The following DAB1 variants were observed in gnomAD, a reference collection of about 807,000 sequenced individuals.
The protein encoded by DAB1 is DAB adaptor protein 1, also known as disabled homolog 1.
DAB1 carries 15 observed loss-of-function variants against 64.6 expected under a neutral mutation model. The observed-to-expected ratio is 0.23, with a 90% CI of 0.16 to 0.36. The LOEUF (loss-of-function observed/expected upper bound fraction) is 0.36. Among genes scored for constraint, DAB1 ranks in the 10% least tolerant of loss-of-function variants. DAB1 has a pLI of 1.00. For synonymous variants in DAB1, 235 were observed against 251.9 expected, an observed-to-expected ratio of 0.93 and a Z score of 0.64; for missense variants, 596 against 706.7, an observed-to-expected ratio of 0.84 and a Z score of 1.78.
At chr1:57,323,600 G>C (rs1333545324) in intron 1 of DAB1, among the ~76,000 whole-genome samples, 2 of 152,082 alleles carry the variant, frequency 1.3e-5, no homozygotes, top group Non-Finnish European at 2.9e-5. Context: ...GAACCAGACT[G>C]TGATCTCGCT....
At chr1:57,905,954 A>G (rs1644544697) in intron 5 of DAB1, among the ~76,000 whole-genome samples, 1 of 152,202 alleles carries the variant, frequency 6.6e-6, no homozygotes, top group South Asian at 2.1e-4. Context: ...AGAGTTTGTC[A>G]TTGCCTGAAT....
At chr1:58,269,450 T>C (rs1369080218) in intron 4 of DAB1, among the ~76,000 whole-genome samples, 4 of 150,422 alleles carry the variant, frequency 2.7e-5, no homozygotes, top group Admixed American at 1.3e-4. Flanking sequence ...GTCTTTGCTA[T>C]TGTGAATAAT....
At chr1:57,132,442 C>T (rs1355413403) in intron 4 of DAB1, among the ~76,000 whole-genome samples, 1 of 152,084 alleles carries the variant, frequency 6.6e-6, no homozygotes, top group East Asian at 1.9e-4. Flanking sequence ...CAGGGCTGCA[C>T]ATGGCATAGA....
In DAB1 at chr1:57,335,436, T is replaced by C. The variant is rs562847764; in HGVS notation, c.-136-44270A>G. On this transcript the variant is annotated intron_variant, in intron 1 of 14. Transcript: ENST00000371236. ...GATTTTGCTTGATATGAGGATTAAA[T>C]TGCATTTCAAGAACAATTCAGGAGG... Among the ~76,000 whole-genome samples, 7 of 152,318 alleles carry C rather than the reference T, an allele frequency of 4.6e-5. No individual in the cohort carries two copies. The East Asian group carries it at 1.4e-3, about 29-fold the overall frequency.
chr1:58,438,472 G>A (rs1300920573), intron 3 of DAB1, among the ~76,000 whole-genome samples: 1 of 152,188 alleles, frequency 6.6e-6, no homozygotes, highest in Non-Finnish European at 1.5e-5. Flanking sequence ...CCTCAGGTAG[G>A]AAGCAGACAG....
intron 6 of DAB1, among the ~76,000 whole-genome samples, chr1:57,728,118 T>C (rs989705504): frequency 6.6e-6 from 1 of 152,324 alleles, no homozygotes; most frequent in Non-Finnish European, 1.5e-5. Flanking sequence ...TAGAAAACCC[T>C]GACCTACCGG....
At chr1:57,785,294 A>G (rs1650288803) in intron 6 of DAB1, among the ~76,000 whole-genome samples, 1 of 152,166 alleles carries the variant, frequency 6.6e-6, no homozygotes. Context: ...TTTCATGCCT[A>G]TTAATATAAC....
intron 4 of DAB1, among the ~76,000 whole-genome samples, chr1:57,132,726 A>G (rs949342828): frequency 5.3e-5 from 8 of 152,158 alleles, no homozygotes; most frequent in African/African-American, 1.9e-4. Flanking sequence ...GTCTAATCAT[A>G]TATGGGTTAT....
At chr1:57,388,414 T>G (rs955470543) in intron 1 of DAB1, among the ~76,000 whole-genome samples, 1 of 152,170 alleles carries the variant, frequency 6.6e-6, no homozygotes, top group African/African-American at 2.4e-5. Context: ...TTCTGCTCTT[T>G]GTGTTTCCCA....
chr1:57,916,937 C>T (rs1368364396), intron 5 of DAB1, among the ~76,000 whole-genome samples: 1 of 145,776 alleles, frequency 6.9e-6, no homozygotes, highest in Non-Finnish European at 1.5e-5. Context: ...GAGCGAAACT[C>T]TGTCTCAAAA....
intron 4 of DAB1, among the ~76,000 whole-genome samples, chr1:58,333,129 C>G (rs1017628014): frequency 6.6e-6 from 1 of 152,046 alleles, no homozygotes. Context: ...AGGCTGGTCT[C>G]GAACTCCAGA....
chr1:57,273,356 G>C (rs964760957), intron 2 of DAB1, among the ~76,000 whole-genome samples: 5 of 152,104 alleles, frequency 3.3e-5, no homozygotes, highest in Non-Finnish European at 7.4e-5. Flanking sequence ...GTTTCCCATA[G>C]GCCACTCCCA....
intron 2 of DAB1, among the ~76,000 whole-genome samples, chr1:57,234,505 A>C (rs984650245): frequency 6.6e-6 from 1 of 152,190 alleles, no homozygotes; most frequent in Non-Finnish European, 1.5e-5. Flanking sequence ...TTTTCCATAA[A>C]ATAACCCTAT....
At chr1:58,325,771 T>G (rs905555020) in intron 4 of DAB1, among the ~76,000 whole-genome samples, 1 of 152,242 alleles carries the variant, frequency 6.6e-6, no homozygotes. Flanking sequence ...GAGACCTGGC[T>G]TGTAGCAAGC....
chr1:57,873,147 TTTATCATA>T lies in DAB1; in HGVS notation n.87+10844_87+10851del, dbSNP rs139709633. On this transcript the variant is annotated intron_variant and non_coding_transcript_variant, in intron 1 of 1. Transcript: ENST00000477280. ...TAGGTGTCAAGCTAAGGAGGTGAACTTTATCATATAAACAGGCAGGAGGAATTGACTGA... is the reference window on the plus strand; with the variant it reads ...TAGGTGTCAAGCTAAGGAGGTGAACTTAAACAGGCAGGAGGAATTGACTGA... Among the ~76,000 whole-genome samples the T allele has an allele frequency of 2.2e-3, 329 of 152,238 alleles. 10 individuals are homozygous for T. In the East Asian group the frequency reaches 0.06, roughly 28 times the overall value.
intron 7 of DAB1, among the ~76,000 whole-genome samples, chr1:57,430,377 A>AT (rs10659663): frequency 0.16 from 22,888 of 141,756 alleles, 1,961 homozygotes; most frequent in African/African-American, 0.2. Context: ...AGTTAATACA[A>AT]TTTTTTTTTT....
intron 7 of DAB1, among the ~76,000 whole-genome samples, chr1:57,538,795 A>G (rs139668516): frequency 8.2e-4 from 125 of 152,224 alleles, no homozygotes; most frequent in African/African-American, 2.9e-3. Flanking sequence ...CAGAGCAGCA[A>G]ACAAAAGTTC....
chr1:57,519,953 C>A (rs1644506635), intron 7 of DAB1, among the ~76,000 whole-genome samples: 2 of 152,164 alleles, frequency 1.3e-5, no homozygotes, highest in South Asian at 4.1e-4. Context: ...CCAGTTTTAA[C>A]TTACAACAGA....
chr1:57,725,403 C>G (rs1647196691), intron 6 of DAB1, among the ~76,000 whole-genome samples: 1 of 152,206 alleles, frequency 6.6e-6, no homozygotes, highest in African/African-American at 2.4e-5. Flanking sequence ...ATACTCTGCT[C>G]AATCCCAGCC....
Sources: gnomAD v4.1 joint callset for allele counts (sites outside exome capture counted in the v4.1 genomes callset) on GRCh38, gnomAD v4.1.1 for gene constraint, MANE v1.5 for transcripts, NCBI Gene and HGNC (gene_info 2026-07-23, HGNC 2026-07-21) for gene names.